The following ZNF600 variants were observed in gnomAD, a reference collection of about 807,000 sequenced individuals.
ZNF600 encodes zinc finger protein 600, also known as zinc finger protein KR-ZNF1.
ZNF600 carries 4 observed loss-of-function variants against 7.3 expected under a neutral mutation model. The ratio of observed to expected loss-of-function variants is 0.55; its 90% CI spans 0.27 to 1.25. The LOEUF is 1.25. ZNF600 is among the 50% of genes most tolerant of loss of function. ZNF600 has a pLI of 0.12. For synonymous variants in ZNF600, 290 were observed against 308.9 expected (o/e 0.94, Z 0.64); for missense variants, 911 against 922.1 (o/e 0.99, Z 0.16).
intron 1 of ZNF600, among the ~76,000 whole-genome samples, chr19:52,784,466 C>T (rs1252439685): frequency 1.3e-5 from 2 of 151,650 alleles, no homozygotes; most frequent in South Asian, 4.2e-4. Context: ...GATTTTTTTT[C>T]CCCCACATCA....
At chr19:52,794,362 G>C in the ZNF600 span, among the ~76,000 whole-genome samples, 7 of 152,220 alleles carry the variant, frequency 4.6e-5, no homozygotes, top group Non-Finnish European at 8.8e-5. Flanking sequence ...GTATTTCAGG[G>C]GTCAGCGTCA....
chr19:52,783,496 G>C (rs990065567), intron 1 of ZNF600, among the ~76,000 whole-genome samples: 5 of 151,802 alleles, frequency 3.3e-5, no homozygotes, highest in East Asian at 2.0e-4. Context: ...GGAGCAGCCG[G>C]GACTACAGGC....
At chr19:52,814,051 G>T in the ZNF600 span, among the ~76,000 whole-genome samples, 1 of 146,236 alleles carries the variant, frequency 6.8e-6, no homozygotes, top group Non-Finnish European at 1.5e-5. Flanking sequence ...ACTTTTTTAA[G>T]TTACTACAGA....
At chr19:52,795,283 AG>A in the ZNF600 span, among the ~76,000 whole-genome samples, 2 of 152,210 alleles carry the variant, frequency 1.3e-5, no homozygotes, top group African/African-American at 4.8e-5. Context: ...ATAAAGAAAA[AG>A]TTCCTTGATA....
chr19:52,767,120 G>A lies in ZNF600; in HGVS notation c.843C>T (p.His281=), dbSNP rs1428337896. Reference sequence around the variant, plus strand: ...TACACTTGTAAGGTTTCTCTCCAGTGTGACATCTACAATGGCATGTAAGGT... The same window carrying A: ...TACACTTGTAAGGTTTCTCTCCAGTATGACATCTACAATGGCATGTAAGGT... Residue 281 remains histidine (H), a synonymous_variant, in exon 4 of 4, where the codon CAC becomes CAT. Transcript: ENST00000648973. 5 of 1,613,862 alleles carry A rather than the reference G, an allele frequency of 3.1e-6. No homozygotes were observed. The East Asian group carries it at 1.1e-4, about 36-fold the overall frequency.
chr19:52,799,964 C>T, the ZNF600 span: 5 of 1,611,128 alleles, frequency 3.1e-6, no homozygotes, highest in East Asian at 4.5e-5. Flanking sequence ...CAGTATGAAG[C>T]CTACGATGGA....
chr19:52,782,644 C>T lies in ZNF600; in HGVS notation c.-19-3737G>A, dbSNP rs181791912. 5.9e-5 allele frequency among the ~76,000 whole-genome samples: 9 copies of T among 152,160 alleles called. No individual in the cohort carries two copies. In the East Asian group the frequency reaches 1.4e-3, roughly 23 times the overall value. On this transcript the variant is annotated intron_variant, in intron 1 of 3. Coordinates refer to ENST00000648973, the Ensembl canonical transcript of ZNF600. ...ATCCCAACACTTCGGGAGGCCGAGG[C>T]GGGTGGATTACGAGGTCATGAATTC...
At chr19:52,804,435 A>G in the ZNF600 span, among the ~76,000 whole-genome samples, 2 of 152,070 alleles carry the variant, frequency 1.3e-5, no homozygotes, top group African/African-American at 4.8e-5. Context: ...GAGTAGCGTG[A>G]TCTTGGCGCA....
downstream of ZNF600, chr19:52,764,525 T>C (rs2062553650): frequency 6.6e-6 from 1 of 150,462 alleles, no homozygotes; most frequent in African/African-American, 2.5e-5. Context: ...ATCCTTTTTT[T>C]TTTTTTTTTT....
the ZNF600 span, among the ~76,000 whole-genome samples, chr19:52,830,620 C>T: frequency 4.9e-4 from 75 of 152,136 alleles, no homozygotes; most frequent in East Asian, 1.9e-3. Flanking sequence ...AGTCATGATG[C>T]CCTGCACACA....
At chr19:52,831,455 G>A in the ZNF600 span, among the ~76,000 whole-genome samples, 3 of 151,584 alleles carry the variant, frequency 2.0e-5, no homozygotes, top group Non-Finnish European at 4.4e-5. Flanking sequence ...GATAACAGGC[G>A]CCTGCCACCA....
the ZNF600 span, chr19:52,798,778 C>T: frequency 1.4e-6 from 1 of 694,636 alleles, no homozygotes; most frequent in Non-Finnish European, 2.5e-6. Context: ...TGTAAGATCT[C>T]TCATTATGGA....
the ZNF600 span, among the ~76,000 whole-genome samples, chr19:52,823,815 C>T: frequency 6.6e-6 from 1 of 152,006 alleles, no homozygotes; most frequent in Non-Finnish European, 1.5e-5. Flanking sequence ...GTAATCCCAG[C>T]GTTTTGGAAG....
At chr19:52,769,112 T>C (rs142264493) in intron 3 of ZNF600, among the ~76,000 whole-genome samples, 2,671 of 152,000 alleles carry the variant, frequency 0.018, 91 homozygotes, top group African/African-American at 0.061. Context: ...CATGGTCTAG[T>C]GGTAGCATCA....
intron 2 of ZNF600, among the ~76,000 whole-genome samples, chr19:52,776,609 A>G (rs1438232256): frequency 6.6e-6 from 1 of 152,086 alleles, no homozygotes; most frequent in African/African-American, 2.4e-5. Flanking sequence ...ACAGGGTTTC[A>G]CCATCTTAGC....
At chr19:52,786,150 G>A (rs941204883) in intron 1 of ZNF600, among the ~76,000 whole-genome samples, 2 of 152,144 alleles carry the variant, frequency 1.3e-5, no homozygotes, top group South Asian at 4.1e-4. Flanking sequence ...CATTTTCCAG[G>A]GGGTGGAGCT....
the ZNF600 span, chr19:52,800,908 G>A: frequency 6.2e-7 from 1 of 1,614,054 alleles, no homozygotes; most frequent in Admixed American, 1.7e-5. Context: ...GTTTCAAGGT[G>A]TGATTTGCGA....
chr19:52,769,071 C>T (rs114327775), intron 3 of ZNF600, among the ~76,000 whole-genome samples: 3,361 of 152,200 alleles, frequency 0.022, 116 homozygotes, highest in African/African-American at 0.073. Context: ...GTGATGCCAG[C>T]GTCTGGGAAG....
chr19:52,777,239 G>A (rs764824197), intron 2 of ZNF600, among the ~76,000 whole-genome samples: 6 of 151,458 alleles, frequency 4.0e-5, no homozygotes, highest in Admixed American at 1.3e-4. Flanking sequence ...TTAAACAGGC[G>A]AGGCAGCAAA....
Sources: gnomAD v4.1 joint callset for allele counts (sites outside exome capture counted in the v4.1 genomes callset) on GRCh38, gnomAD v4.1.1 for gene constraint, MANE v1.5 for transcripts, NCBI Gene and HGNC (gene_info 2026-07-23, HGNC 2026-07-21) for gene names.